POLR2E: variants seen among roughly 807,000 people sequenced by gnomAD.
POLR2E encodes the protein DNA-directed RNA polymerases I, II, and III subunit RPABC1.
POLR2E carries 35 observed loss-of-function variants against 29.8 expected under a neutral mutation model. The ratio of observed to expected loss-of-function variants is 1.17; its 90% CI spans 0.90 to 1.55. The LOEUF (loss-of-function observed/expected upper bound fraction) is 1.55, where lower values mean the gene tolerates loss of function less well. POLR2E is among the 40% of genes most tolerant of loss of function. The pLI is 0.00. For missense variants in POLR2E, 287 were observed against 288.6 expected (o/e 0.99, Z 0.04); for synonymous variants, 174 against 112.6 (o/e 1.55, Z -3.45).
intron 3 of POLR2E, among the ~76,000 whole-genome samples, 181 bp from the exon 4 acceptor site, chr19:1,091,169 CTCA>C (rs926480927): frequency 4.6e-5 from 7 of 152,230 alleles, no homozygotes; most frequent in African/African-American, 1.2e-4. Flanking sequence ...AGCCTCTCTG[CTCA>C]TCGAGAGCCT....
At chr19:1,091,423 C>CT (rs1228306506) in intron 3 of POLR2E, 6 of 379,246 alleles carry the variant, frequency 1.6e-5, no homozygotes, top group African/African-American at 1.2e-4. Flanking sequence ...GGATAGGCCC[C>CT]TGGAGGACCC....
rs750730121 is a variant in POLR2E at position 1,094,119 on chromosome 19, G to C, written c.58-41C>G. ...ACCAGCTGACCCCAGGGCAGAGAGA[G>C]GAAGGCGGCCAAAGCTCGTGACCCG... On this transcript the variant is annotated intron_variant, in intron 1 of 7. Coordinates refer to ENST00000615234, the MANE Select transcript of POLR2E (RefSeq NM_002695.5). 3 of 1,569,106 alleles carry C rather than the reference G, an allele frequency of 1.9e-6. No homozygotes were observed. The Admixed American group carries it at 5.6e-5, about 29-fold the overall frequency.
chr19:1,086,783 G>A lies in POLR2E; in HGVS notation c.*1952C>T, dbSNP rs1205965579. 6.6e-6 allele frequency: 1 copy of A among 152,160 alleles called. No homozygotes were observed. The highest frequency in any genetic ancestry group is 1.5e-5 in the Non-Finnish European group (1 of 67,978). 9.4% of individuals were successfully genotyped at this position (152,160 alleles called of 1,614,324 possible). ...TGAGGAAGGGAACCCCCCGCCACGG[G>A]GCCCCGCGAGGTGGGAGCCCGGGTG... On this transcript the variant is annotated 3_prime_UTR_variant, in exon 8 of 8. Coordinates refer to ENST00000615234, the MANE Select transcript of POLR2E (RefSeq NM_002695.5).
intron 2 of POLR2E, 93 bp downstream of exon 2, chr19:1,093,811 G>A (rs2043888562): frequency 2.1e-6 from 3 of 1,448,340 alleles, no homozygotes; most frequent in African/African-American, 2.9e-5. Context: ...ACAAATGCTG[G>A]GCACCAGGCG....
At chr19:1,090,271 C>A in intron 4 of POLR2E, 126 bp from the exon 5 acceptor site, 1 of 811,744 alleles carries the variant, frequency 1.2e-6, no homozygotes, top group Non-Finnish European at 2.1e-6. Flanking sequence ...CGATCCCCGG[C>A]ACTCAGGGAG....
rs2043743067 is a variant in POLR2E, at chr19:1,087,999, A to ACACCCTCACGGGAAGGGAAGAGACAGC, written c.*735_*736insGCTGTCTCTTCCCTTCCCGTGAGGGTG. On this transcript the variant is annotated 3_prime_UTR_variant, in exon 8 of 8. Transcript: ENST00000615234. ...ACCCTCACGGGAAGGGAAGAGACAG[A>ACACCCTCACGGGAAGGGAAGAGACAGC]CACGCTCACGCCTTACCCAGGAGCA... 1 of 152,422 alleles carries ACACCCTCACGGGAAGGGAAGAGACAGC rather than the reference A, an allele frequency of 6.6e-6. No homozygotes were observed. Among genetic ancestry groups the ACACCCTCACGGGAAGGGAAGAGACAGC allele is most frequent in the African/African-American group, 2.4e-5 (1 of 41,444 alleles). 9.4% of individuals were successfully genotyped at this position (152,422 alleles called of 1,614,324 possible).
rs771062090 is a variant in POLR2E, at chr19:1,091,026, C to A, written c.349-38G>T. On this transcript the variant is annotated intron_variant, in intron 3 of 7. Transcript: ENST00000615234. ...GGCTCTAAGGCACGGCCCGGAGGGG[C>A]CCAGACAACCCCAACCCCATTTCCT... The A allele has an allele frequency of 4.5e-6, 7 of 1,567,766 alleles. 2 individuals are homozygous for A. In the South Asian group the frequency reaches 7.8e-5, roughly 17 times the overall value.
chr19:1,093,608 G>T (rs1301392630), intron 2 of POLR2E: 8 of 511,236 alleles, frequency 1.6e-5, no homozygotes, highest in Admixed American at 4.8e-5. Flanking sequence ...GGAGCCAAGG[G>T]ACACTAGGGC....
chr19:1,089,439 C>T, intron 7 of POLR2E, 33 bp downstream of exon 7: 1 of 1,463,134 alleles, frequency 6.8e-7, no homozygotes, highest in Non-Finnish European at 9.6e-7. Flanking sequence ...TGCCTCTGAC[C>T]CCACCTCAGT....
rs1345071685 is a variant in POLR2E, at chr19:1,095,372, G to C, written c.-57C>G. The C allele has an allele frequency of 3.1e-6, 5 of 1,604,128 alleles. No homozygotes were observed. On this transcript the variant is annotated 5_prime_UTR_variant, in exon 1 of 8. Coordinates refer to ENST00000615234, the MANE Select transcript of POLR2E (RefSeq NM_002695.5). ...CCTTCTCCGCGCGAGAACCCGCGCG[G>C]ACTGCGCCTGCGCCGAATCCGAATC...
rs2043790630 is a variant in POLR2E, at chr19:1,089,873, A to G, written c.567+11T>C. 6.2e-7 allele frequency: 1 copy of G among 1,607,716 alleles called. No homozygotes were observed. Among genetic ancestry groups the G allele is most frequent in the Non-Finnish European group, 8.5e-7 (1 of 1,176,524 alleles). ...AGCAGCCCCAGGGCCCCTTCTCCCC[A>G]CAGGGCTCACCTGCCCACGCTTTAT... On this transcript the variant is annotated intron_variant, in intron 6 of 7. Transcript: ENST00000615234.
chr19:1,093,680 A>G (rs2043885720), intron 2 of POLR2E: 1 of 1,255,292 alleles, frequency 8.0e-7, no homozygotes, highest in Non-Finnish European at 1.0e-6. Flanking sequence ...GTTGGCAGGA[A>G]GAGAGAAGGG....
Position 1,090,971 on chromosome 19 carries a change from G to A in POLR2E, c.366C>T (p.Ala122=), listed in dbSNP as rs139469225. The A allele has an allele frequency of 3.2e-5, 51 of 1,613,670 alleles. No homozygotes were observed. The Middle Eastern group carries it at 8.3e-4, about 26-fold the overall frequency. The part of the protein sequence containing the change: ...PSAKQSLVDM[A]PKYILEQFLQ... ...GAAACTGCTCCAGGATGTACTTGGG[G>A]GCCATGTCGACCAGGGACTGGAAGA... The change falls in exon 4 of 8, where the codon GCC becomes GCT. Residue 122 remains alanine (A), a synonymous_variant. Coordinates refer to ENST00000615234, the MANE Select transcript of POLR2E (RefSeq NM_002695.5).
In POLR2E at chr19:1,095,297, T is replaced by C. The variant is rs778381561; in HGVS notation, c.19A>G (p.Thr7Ala). 1 of 1,612,998 alleles carries C rather than the reference T, an allele frequency of 6.2e-7. No individual in the cohort carries two copies. Among genetic ancestry groups the C allele is most frequent in the Non-Finnish European group, 8.5e-7 (1 of 1,179,726 alleles). ...TTGCGGATTTTCCAGAGCCGGTACGTCTCCTCCTCGTCGTCCATGGCAGCC... is the reference window on the plus strand; with the variant it reads ...TTGCGGATTTTCCAGAGCCGGTACGCCTCCTCCTCGTCGTCCATGGCAGCC... MDDEEE[T>A]YRLWKIRKTI... The change falls in exon 1 of 8, where the codon ACG becomes GCG. Residue 7 changes from threonine (T) to alanine (A), a missense_variant. Physicochemically the swap from Thr to Ala is moderately conservative, Grantham distance 58 (BLOSUM62 0). Transcript: ENST00000615234.
intron 3 of POLR2E, 61 bp downstream of exon 3, chr19:1,091,731 C>T (rs1050842964): frequency 8.9e-7 from 1 of 1,122,178 alleles, no homozygotes; most frequent in Non-Finnish European, 1.3e-6. Context: ...CCTGTGGGTA[C>T]TGCTTGCGGG....
chr19:1,092,163 A>G (rs2043847150), intron 2 of POLR2E: 2 of 449,470 alleles, frequency 4.4e-6, no homozygotes, highest in South Asian at 4.6e-5. Flanking sequence ...ACCAGGGAGA[A>G]GCAGAGACCT....
chr19:1,093,980 C>A lies in POLR2E; in HGVS notation c.156G>T (p.Arg52=), dbSNP rs4921. 34,101 of 1,613,680 alleles carry A rather than the reference C, an allele frequency of 0.021. 434 individuals are homozygous for A. The highest frequency in any genetic ancestry group is 0.024 in the Non-Finnish European group (28,894 of 1,179,868). ...AQSGDKPSEG[R]PRRTDLTVLV... ...GCACGGTGAGGTCCGTGCGCCGCGG[C>A]CGCCCCTCACTCGGCTTGTCCCCAG... The change falls in exon 2 of 8, where the codon CGG becomes CGT. Residue 52 remains arginine (R), a synonymous_variant. Transcript: ENST00000615234.
In POLR2E at chr19:1,089,756, G is replaced by A. The variant is rs1237890489; in HGVS notation, c.567+128C>T. On this transcript the variant is annotated intron_variant, in intron 6 of 7. Coordinates refer to ENST00000615234, the MANE Select transcript of POLR2E (RefSeq NM_002695.5). ...TGGCTTTAAGAGGGGGATATTGGGG[G>A]TGTGGTCTCGAGGTCCCCTCCAGGC... The A allele has an allele frequency of 2.1e-5, 17 of 816,644 alleles. 1 individual carries two copies. The highest frequency in any genetic ancestry group is 1.9e-4 in the South Asian group (12 of 62,212). 50.6% of individuals were successfully genotyped at this position (816,644 alleles called of 1,614,324 possible).
chr19:1,093,050 G>A (rs1323466622), intron 2 of POLR2E, among the ~76,000 whole-genome samples: 13 of 152,088 alleles, frequency 8.5e-5, no homozygotes, highest in South Asian at 2.1e-4. Flanking sequence ...CTAGCCAGGC[G>A]TGGTGGTGGG....
Sources: allele counts gnomAD v4.1 joint callset (sites outside exome capture counted in the v4.1 genomes callset), GRCh38; gene constraint gnomAD v4.1.1; transcripts MANE v1.5; gene names NCBI Gene and HGNC (gene_info 2026-07-23, HGNC 2026-07-21).